The following CDK14 variants were observed in gnomAD, a reference collection of about 807,000 sequenced individuals.
CDK14 encodes the protein cyclin-dependent kinase 14.
CDK14 carries 34 observed loss-of-function variants against 60.7 expected under a neutral mutation model. That is an observed-to-expected ratio of 0.56 (90% CI 0.43 to 0.75). The LOEUF (loss-of-function observed/expected upper bound fraction) is 0.75. Ranked by LOEUF, CDK14 falls within the 30% of genes least tolerant of loss-of-function variation. CDK14 has a pLI of 0.00. For missense variants in CDK14, 482 were observed against 564.1 expected, an observed-to-expected ratio of 0.85 and a Z score of 1.47; for synonymous variants, 197 against 203.7, an observed-to-expected ratio of 0.97 and a Z score of 0.28.
intron 2 of CDK14, among the ~76,000 whole-genome samples, chr7:90,605,838 C>G (rs895557256): frequency 5.9e-5 from 9 of 152,168 alleles, no homozygotes; most frequent in Non-Finnish European, 1.3e-4. Context: ...TCTTCCTAAT[C>G]ATCATTAGGC....
chr7:90,930,044 G>C (rs1428805351), intron 8 of CDK14, among the ~76,000 whole-genome samples: 2 of 152,026 alleles, frequency 1.3e-5, no homozygotes, highest in African/African-American at 2.4e-5. Context: ...CTGTTCAACA[G>C]TAAAATTAGT....
intron 14 of CDK14, among the ~76,000 whole-genome samples, chr7:91,191,193 T>A (rs1044226688): frequency 1.3e-5 from 2 of 152,144 alleles, no homozygotes; most frequent in African/African-American, 2.4e-5. Context: ...TTGGACTTTC[T>A]ACAGCTCCTG....
intron 5 of CDK14, among the ~76,000 whole-genome samples, chr7:90,796,604 T>A (rs989093199): frequency 1.5e-4 from 23 of 152,328 alleles, no homozygotes; most frequent in African/African-American, 4.6e-4. Flanking sequence ...ATATTGTTTA[T>A]AGAACCTGTA....
intron 10 of CDK14, 43 bp downstream of exon 10, chr7:90,984,284 A>G (rs2115644635): frequency 7.9e-7 from 1 of 1,261,624 alleles, no homozygotes; most frequent in Non-Finnish European, 1.2e-6. Flanking sequence ...TTGGTTTCTA[A>G]TTAGTCACTT....
chr7:90,799,875 A>AG (rs1788573473), intron 5 of CDK14, among the ~76,000 whole-genome samples: 1 of 152,020 alleles, frequency 6.6e-6, no homozygotes, highest in Non-Finnish European at 1.5e-5. Flanking sequence ...AGGGATTTTG[A>AG]GGGGGGACAT....
At chr7:90,827,871 G>C (rs1040194020) in intron 5 of CDK14, among the ~76,000 whole-genome samples, 1 of 152,128 alleles carries the variant, frequency 6.6e-6, no homozygotes, top group Non-Finnish European at 1.5e-5. Context: ...AGCTTTTCTT[G>C]TAAACCCAAT....
chr7:91,183,739 C>T (rs1400424172), intron 14 of CDK14, among the ~76,000 whole-genome samples: 1 of 152,170 alleles, frequency 6.6e-6, no homozygotes, highest in Non-Finnish European at 1.5e-5. Flanking sequence ...AATTTCAATA[C>T]CTGTTACAAT....
chr7:90,769,616 G>T (rs538126682), intron 4 of CDK14, among the ~76,000 whole-genome samples: 5 of 151,962 alleles, frequency 3.3e-5, no homozygotes, highest in Non-Finnish European at 5.9e-5. Flanking sequence ...ACAGGCATGT[G>T]CCACCACACC....
chr7:90,730,402 C>T (rs5932525), intron 3 of CDK14, among the ~76,000 whole-genome samples: 2 of 152,180 alleles, frequency 1.3e-5, no homozygotes, highest in African/African-American at 4.8e-5. Context: ...AATGGTGTTT[C>T]TAGTTCTAGA....
At chr7:90,668,474 T>C (rs1239298526) in intron 2 of CDK14, among the ~76,000 whole-genome samples, 1 of 152,196 alleles carries the variant, frequency 6.6e-6, no homozygotes, top group Non-Finnish European at 1.5e-5. Flanking sequence ...TTCATTTTCT[T>C]AATGTTATAC....
At chr7:90,823,868 A>G (rs1053978698) in intron 5 of CDK14, among the ~76,000 whole-genome samples, 1 of 152,178 alleles carries the variant, frequency 6.6e-6, no homozygotes. Context: ...TTTTGAATGC[A>G]CTGTATTTCT....
intron 10 of CDK14, among the ~76,000 whole-genome samples, chr7:91,029,624 T>TCCCCTCTCC (rs1315249676): frequency 7.5e-6 from 1 of 132,608 alleles, no homozygotes; most frequent in African/African-American, 2.9e-5. Flanking sequence ...CTCCCCACTC[T>TCCCCTCTCC]CCTCTCCCCT....
chr7:90,724,747 A>G (rs545289768), intron 2 of CDK14, among the ~76,000 whole-genome samples: 1 of 151,768 alleles, frequency 6.6e-6, no homozygotes, highest in Non-Finnish European at 1.5e-5. Context: ...TTTGATTTCA[A>G]CGTGCCCTTA....
chr7:91,144,377 A>G (rs1175431218), intron 14 of CDK14, among the ~76,000 whole-genome samples: 5 of 152,238 alleles, frequency 3.3e-5, no homozygotes, highest in Non-Finnish European at 5.9e-5. Context: ...TGCAATTTCT[A>G]CATAAGCATT....
At chr7:91,176,776 G>C (rs1315952205) in intron 14 of CDK14, among the ~76,000 whole-genome samples, 1 of 151,042 alleles carries the variant, frequency 6.6e-6, no homozygotes, top group Non-Finnish European at 1.5e-5. Flanking sequence ...TTGAATCTCT[G>C]AATAGACCAA....
intron 2 of CDK14, among the ~76,000 whole-genome samples, chr7:90,717,843 TAGAA>T (rs1316246938): frequency 6.6e-6 from 1 of 151,862 alleles, no homozygotes; most frequent in Non-Finnish European, 1.5e-5. Flanking sequence ...ACTAAAGAAA[TAGAA>T]GATATGGTTT....
intron 9 of CDK14, among the ~76,000 whole-genome samples, chr7:90,963,480 G>A (rs1382697733): frequency 6.6e-6 from 1 of 151,904 alleles, no homozygotes; most frequent in African/African-American, 2.4e-5. Flanking sequence ...CATTGGATGT[G>A]CACTGGTGCT....
intron 8 of CDK14, among the ~76,000 whole-genome samples, chr7:90,933,201 G>T (rs1247197420): frequency 6.6e-6 from 1 of 151,148 alleles, no homozygotes; most frequent in Non-Finnish European, 1.5e-5. Flanking sequence ...GATTGCCTGA[G>T]CCCAGGAGGT....
At chr7:91,098,803 G>C (rs1799081384) in intron 12 of CDK14, among the ~76,000 whole-genome samples, 1 of 152,078 alleles carries the variant, frequency 6.6e-6, no homozygotes, top group African/African-American at 2.4e-5. Flanking sequence ...TGACAGCAAG[G>C]CATTCTTCCT....
Sources: allele counts gnomAD v4.1 joint callset (sites outside exome capture counted in the v4.1 genomes callset), GRCh38; gene constraint gnomAD v4.1.1; transcripts MANE v1.5; gene names NCBI Gene and HGNC (gene_info 2026-07-23, HGNC 2026-07-21).